The following ADGRB3 variants were observed in gnomAD, a reference collection of about 807,000 sequenced individuals.
ADGRB3 encodes the protein brain-specific angiogenesis inhibitor 3.
ADGRB3 carries 37 observed loss-of-function variants against 193.4 expected under a neutral mutation model. That is an observed-to-expected ratio of 0.19 (90% confidence interval 0.15 to 0.25). The LOEUF (loss-of-function observed/expected upper bound fraction) is 0.25, where lower values mean the gene tolerates loss of function less well. ADGRB3 is among the 10% of genes least tolerant of loss of function. The pLI is 1.00. For missense variants in ADGRB3, 1,637 were observed against 1,852.9 expected (o/e 0.88, Z 2.14); for synonymous variants, 690 against 644.2 (o/e 1.07, Z -1.08).
intron 17 of ADGRB3, among the ~76,000 whole-genome samples, chr6:69,122,760 G>A (rs1272137677): frequency 6.6e-6 from 1 of 151,730 alleles, no homozygotes; most frequent in Non-Finnish European, 1.5e-5. Flanking sequence ...ATATATTTTT[G>A]CTAAAACATG....
At chr6:68,981,947 G>A (rs562394956) in intron 10 of ADGRB3, among the ~76,000 whole-genome samples, 4 of 151,320 alleles carry the variant, frequency 2.6e-5, no homozygotes, top group East Asian at 1.9e-4. Context: ...GTGCGATCTC[G>A]GCTCACTGCA....
intron 3 of ADGRB3, among the ~76,000 whole-genome samples, chr6:68,661,560 T>TATAC (rs1768659712): frequency 1.0e-5 from 1 of 98,430 alleles, no homozygotes; most frequent in African/African-American, 3.3e-5. Flanking sequence ...TATATATATA[T>TATAC]ATATATATAT....
At chr6:69,107,587 T>G (rs1300851111) in intron 17 of ADGRB3, among the ~76,000 whole-genome samples, 2 of 151,950 alleles carry the variant, frequency 1.3e-5, no homozygotes, top group Non-Finnish European at 2.9e-5. Flanking sequence ...AATCACTGAG[T>G]TAAAAAGTGG....
chr6:68,926,406 C>T (rs1397516637), intron 3 of ADGRB3, among the ~76,000 whole-genome samples: 1 of 152,006 alleles, frequency 6.6e-6, no homozygotes, highest in African/African-American at 2.4e-5. Flanking sequence ...TTGAATTAGG[C>T]TTGGTGAGAG....
At chr6:68,788,505 C>A (rs1354067602) in intron 3 of ADGRB3, among the ~76,000 whole-genome samples, 3 of 152,160 alleles carry the variant, frequency 2.0e-5, no homozygotes, top group African/African-American at 7.2e-5. Flanking sequence ...TTTGATTGCA[C>A]TGTGGTCTGA....
intron 3 of ADGRB3, among the ~76,000 whole-genome samples, chr6:68,834,856 C>T (rs529487539): frequency 4.9e-4 from 74 of 151,912 alleles, no homozygotes; most frequent in Non-Finnish European, 8.5e-4. Flanking sequence ...CAAGATTTCG[C>T]TTTGAAGAAT....
At chr6:68,909,492 T>C (rs994991794) in intron 3 of ADGRB3, among the ~76,000 whole-genome samples, 1 of 152,176 alleles carries the variant, frequency 6.6e-6, no homozygotes, top group Non-Finnish European at 1.5e-5. Flanking sequence ...TCCACAGAAA[T>C]GTAAATAAGG....
In ADGRB3 at chr6:69,062,996, C is replaced by G; in HGVS notation, c.2396C>G (p.Thr799Ser). ...ACAATAAGGCCTGAACCCAAAACAA[C>G]CGATTCGTTTCTGGAGATAGAACTA... ...VVTIRPEPKT[T>S]DSFLEIELAH... Residue 799 changes from threonine (T) to serine (S), a missense_variant, in exon 16 of 32, where the codon ACC becomes AGC. Physicochemically the swap from Thr to Ser is moderately conservative, Grantham distance 58. Around this residue, in one of 7 missense-constraint regions of ADGRB3, gnomAD observed 641 missense variants for 673.9 expected, o/e 0.95. Transcript: ENST00000370598. 2 of 1,612,326 alleles carry G rather than the reference C, an allele frequency of 1.2e-6. No individual in the cohort carries two copies. Among genetic ancestry groups the G allele is most frequent in the Non-Finnish European group, 1.7e-6 (2 of 1,178,846 alleles).
In ADGRB3 at chr6:69,048,143, G is replaced by A. The variant is rs182628976; in HGVS notation, c.2108-42G>A. The A allele has an allele frequency of 7.9e-4, 1,255 of 1,584,106 alleles. 8 individuals are homozygous for A. Among genetic ancestry groups the A allele is most frequent in the Non-Finnish European group, 2.1e-4 (246 of 1,160,604 alleles). ...TGATCAACACTGATTACACTAAAATGTAAAGCAAGTTTAATTGAAATTATT... is the reference window on the plus strand; with the variant it reads ...TGATCAACACTGATTACACTAAAATATAAAGCAAGTTTAATTGAAATTATT... On this transcript the variant is annotated intron_variant, in intron 13 of 31. Coordinates refer to ENST00000370598, the MANE Select transcript of ADGRB3 (RefSeq NM_001704.3).
At chr6:68,991,650 C>T (rs1487195427) in intron 10 of ADGRB3, among the ~76,000 whole-genome samples, 4 of 151,684 alleles carry the variant, frequency 2.6e-5, no homozygotes, top group African/African-American at 7.3e-5. Flanking sequence ...AGACAAGTGC[C>T]ACTAGAGCAC....
chr6:69,022,602 A>G (rs192318767), intron 13 of ADGRB3, among the ~76,000 whole-genome samples: 4 of 151,974 alleles, frequency 2.6e-5, no homozygotes, highest in African/African-American at 9.6e-5. Context: ...CATCCTTCAC[A>G]TCCTTTGTGC....
At chr6:69,327,222 G>T (rs773542458) in intron 21 of ADGRB3, among the ~76,000 whole-genome samples, 8 of 152,156 alleles carry the variant, frequency 5.3e-5, no homozygotes, top group Non-Finnish European at 1.0e-4. Context: ...CTTGAATGAG[G>T]TAAGTGTAAT....
At chr6:68,855,489 T>C (rs1194642221) in intron 3 of ADGRB3, among the ~76,000 whole-genome samples, 1 of 151,914 alleles carries the variant, frequency 6.6e-6, no homozygotes, top group East Asian at 1.9e-4. Context: ...AGGTAAAATA[T>C]TTATACTGTT....
chr6:69,198,932 T>C (rs1444894669), intron 17 of ADGRB3, among the ~76,000 whole-genome samples: 1 of 152,106 alleles, frequency 6.6e-6, no homozygotes, highest in Non-Finnish European at 1.5e-5. Flanking sequence ...CCATTTAATA[T>C]GAATCAAGCT....
intron 3 of ADGRB3, among the ~76,000 whole-genome samples, chr6:68,833,968 T>TC (rs1768001580): frequency 6.6e-6 from 1 of 151,538 alleles, no homozygotes; most frequent in Non-Finnish European, 1.5e-5. Flanking sequence ...GTTTTTTTTT[T>TC]CCTTTGCTCT....
chr6:68,658,146 A>G (rs886505415), intron 3 of ADGRB3, among the ~76,000 whole-genome samples: 44 of 151,274 alleles, frequency 2.9e-4, no homozygotes, highest in African/African-American at 9.7e-4. Flanking sequence ...AGCTGTTATT[A>G]TTACTTTTGT....
At chr6:69,115,445 G>T (rs12174799) in intron 17 of ADGRB3, among the ~76,000 whole-genome samples, 1 of 152,096 alleles carries the variant, frequency 6.6e-6, no homozygotes, top group Non-Finnish European at 1.5e-5. Context: ...GGGCCAGACT[G>T]GGGGATCGGG....
At chr6:69,363,834 G>A (rs1769506275) in intron 29 of ADGRB3, among the ~76,000 whole-genome samples, 1 of 152,010 alleles carries the variant, frequency 6.6e-6, no homozygotes, top group Non-Finnish European at 1.5e-5. Context: ...AGAATTATCA[G>A]CTCTGCTAGA....
At chr6:69,043,332 G>GAAAGAAAGAAAGAAAGAA (rs376899800) in intron 13 of ADGRB3, among the ~76,000 whole-genome samples, 16 of 133,816 alleles carry the variant, frequency 1.2e-4, no homozygotes, top group East Asian at 2.7e-4. Flanking sequence ...AAGAAAGAAA[G>GAAAGAAAGAAAGAAAGAA]AGAAAGAAAA....
Sources: allele counts gnomAD v4.1 joint callset (sites outside exome capture counted in the v4.1 genomes callset), GRCh38; gene constraint gnomAD v4.1.1; regional missense constraint gnomAD v4.1.1; transcripts MANE v1.5; gene names NCBI Gene and HGNC (gene_info 2026-07-23, HGNC 2026-07-21).